The following GMEB2 variants were observed in gnomAD, a reference collection of about 807,000 sequenced individuals.
GMEB2 encodes glucocorticoid modulatory element-binding protein 2.
GMEB2 carries 7 observed loss-of-function variants against 45.7 expected under a neutral mutation model. That is an observed-to-expected ratio of 0.15 (90% CI 0.09 to 0.29). The LOEUF is 0.29. Among genes scored for constraint, GMEB2 ranks in the 10% least tolerant of loss-of-function variants. GMEB2 has a pLI of 1.00. For synonymous variants in GMEB2, 322 were observed against 323.6 expected, an observed-to-expected ratio of 1.00 and a Z score of 0.05; for missense variants, 582 against 739.2, an observed-to-expected ratio of 0.79 and a Z score of 2.47.
intron 2 of GMEB2, among the ~76,000 whole-genome samples, chr20:63,609,442 CCT>C (rs1279327611): frequency 4.6e-4 from 52 of 114,162 alleles, no homozygotes; most frequent in African/African-American, 1.3e-3. Flanking sequence ...GAAACATGCC[CCT>C]CTCACCCCAC....
intron 1 of GMEB2, among the ~76,000 whole-genome samples, chr20:63,624,014 G>A (rs1408051312): frequency 6.6e-6 from 1 of 151,914 alleles, no homozygotes; most frequent in Non-Finnish European, 1.5e-5. Context: ...GGAGGCTGAA[G>A]TGAGAGAACT....
At chr20:63,606,216 T>G (rs1398056706) in intron 2 of GMEB2, among the ~76,000 whole-genome samples, 1 of 151,880 alleles carries the variant, frequency 6.6e-6, no homozygotes, top group African/African-American at 2.4e-5. Context: ...AAAAAATAAG[T>G]TTTTTTTACT....
rs2089632780 is a variant in GMEB2, at chr20:63,619,694, G to C, written c.-57-240C>G. On this transcript the variant is annotated intron_variant, in intron 1 of 9. Coordinates refer to ENST00000370077, the MANE Select transcript of GMEB2 (RefSeq NM_012384.5). The surrounding 1 kb of genome is among the most constrained non-coding windows in gnomAD (Gnocchi z 4.6). ...CCGAAACCCTTGGGTAGAAAGCACAGAGCCACTCCCTCCACGTGGGGCTCA... is the reference window on the plus strand; with the variant it reads ...CCGAAACCCTTGGGTAGAAAGCACACAGCCACTCCCTCCACGTGGGGCTCA... The C allele has an allele frequency of 4.3e-6, 1 of 232,714 alleles. No homozygotes were observed. 14.4% of individuals were successfully genotyped at this position (232,714 alleles called of 1,614,324 possible).
At chr20:63,612,986 C>T (rs1351537657) in intron 2 of GMEB2, among the ~76,000 whole-genome samples, 1 of 151,696 alleles carries the variant, frequency 6.6e-6, no homozygotes, top group Non-Finnish European at 1.5e-5. Context: ...TTCGGAGACG[C>T]AGTCTCACTC....
chr20:63,620,130 C>T (rs1240450340), intron 1 of GMEB2, among the ~76,000 whole-genome samples: 2 of 152,216 alleles, frequency 1.3e-5, no homozygotes, highest in Non-Finnish European at 2.9e-5. Flanking sequence ...AACTCCTGAC[C>T]TCAGGTGATC....
intron 1 of GMEB2, among the ~76,000 whole-genome samples, chr20:63,623,346 C>G (rs905051439): frequency 9.2e-5 from 14 of 152,144 alleles, no homozygotes; most frequent in Admixed American, 7.9e-4. Flanking sequence ...TCTCTGAAGA[C>G]TGTCTTCAGA....
chr20:63,599,166 C>T (rs6089936), intron 4 of GMEB2, among the ~76,000 whole-genome samples: 3 of 150,260 alleles, frequency 2.0e-5, no homozygotes, highest in African/African-American at 5.0e-5. Context: ...GACCCTCCAG[C>T]GCTAACGCGG....
At chr20:63,594,946 A>T (rs1327335956) in intron 6 of GMEB2, among the ~76,000 whole-genome samples, 2 of 152,130 alleles carry the variant, frequency 1.3e-5, no homozygotes, top group Non-Finnish European at 2.9e-5. Flanking sequence ...ACAGGGTTTC[A>T]TCCTGTTGGC....
At chr20:63,623,926 A>T (rs1232000164) in intron 1 of GMEB2, among the ~76,000 whole-genome samples, 2 of 151,290 alleles carry the variant, frequency 1.3e-5, no homozygotes, top group African/African-American at 4.9e-5. Flanking sequence ...CCTGGCCAAC[A>T]TGGTAAAACC....
At position 63,589,301 on chromosome 20, in the gene GMEB2, T is replaced by C. The variant is rs62206973; in HGVS notation, c.*788A>G. 2 of 398,380 alleles carry C rather than the reference T, an allele frequency of 5.0e-6. No homozygotes were observed. Among genetic ancestry groups the C allele is most frequent in the East Asian group, 7.1e-5 (2 of 28,216 alleles). 24.7% of individuals were successfully genotyped at this position (398,380 alleles called of 1,614,324 possible). A position where few individuals can be genotyped will look rare whatever the true frequency, so the allele number is the denominator to read the frequency against. The stretch of plus-strand genomic sequence containing the variant: ...CTCAGGGGCCACCCAAAGAGCTAAC[T>C]CGGGAAGCCTAGGCACTCACCATTA... On this transcript the variant is annotated 3_prime_UTR_variant, in exon 10 of 10. Transcript: ENST00000370077.
chr20:63,623,612 A>T (rs1489102937), intron 1 of GMEB2, among the ~76,000 whole-genome samples: 1 of 149,410 alleles, frequency 6.7e-6, no homozygotes, highest in African/African-American at 2.5e-5. Flanking sequence ...AGCCTGATCA[A>T]TACGGTGAAA....
chr20:63,622,774 G>T (rs908527568), intron 1 of GMEB2, among the ~76,000 whole-genome samples: 4 of 152,224 alleles, frequency 2.6e-5, no homozygotes, highest in Non-Finnish European at 4.4e-5. Context: ...AGAAATGTAG[G>T]TGATCTGAAC....
chr20:63,622,690 C>T (rs1338988600), intron 1 of GMEB2, among the ~76,000 whole-genome samples: 3 of 152,146 alleles, frequency 2.0e-5, no homozygotes, highest in East Asian at 3.9e-4. Context: ...AAGAAAGCTA[C>T]GATTTCCTGG....
chr20:63,590,400 G>A lies in GMEB2; in HGVS notation c.1282C>T (p.Leu428Phe). 1 of 1,584,256 alleles carries A rather than the reference G, an allele frequency of 6.3e-7. No individual in the cohort carries two copies. The highest frequency in any genetic ancestry group is 8.6e-7 in the Non-Finnish European group (1 of 1,159,534). ...GAGGCCAAGACTGTGTATCCCCCGA[G>A]CAGCGGGGAGGCCGGGGAGCTGGCG... ...PPASSPASPL[L>F]GGYTVLASSG... The change falls in exon 10 of 10, where the codon CTC becomes TTC. Residue 428 changes from leucine to phenylalanine, a missense_variant. Leu to Phe is a conservative substitution (Grantham distance 22). Around this residue, in one of 3 missense-constraint regions of GMEB2, gnomAD observed 462 missense variants for 586.7 expected, o/e 0.79. Transcript: ENST00000370077.
Position 63,590,307 on chromosome 20 carries a change from T to C in GMEB2, c.1375A>G (p.Thr459Ala), listed in dbSNP as rs1180787790. Reference protein sequence around the residue: ...PDASSLTVLSTAAVQDGSTVF... With the variant: ...PDASSLTVLSAAAVQDGSTVF... Reference sequence around the variant, plus strand: ...GTGCTACCGTCCTGCACGGCGGCCGTGCTCAGGACCGTGAGGCTGGACGCG... The same window carrying C: ...GTGCTACCGTCCTGCACGGCGGCCGCGCTCAGGACCGTGAGGCTGGACGCG... Residue 459 changes from threonine (T) to alanine (A), a missense_variant, in exon 10 of 10, where the codon ACG becomes GCG. By Grantham distance (58) the Thr-to-Ala change is moderately conservative. Coordinates refer to ENST00000370077, the MANE Select transcript of GMEB2 (RefSeq NM_012384.5). 1.2e-6 allele frequency: 2 copies of C among 1,612,658 alleles called. No homozygotes were observed. The highest frequency in any genetic ancestry group is 1.7e-6 in the Non-Finnish European group (2 of 1,179,802).
chr20:63,590,835 G>C, intron 9 of GMEB2, 106 bp from the exon 10 acceptor site: 2 of 663,328 alleles, frequency 3.0e-6, no homozygotes, highest in East Asian at 6.3e-5. Flanking sequence ...CCCTGGGTCA[G>C]TGGCAACCCA....
chr20:63,611,159 T>C (rs935551304), intron 2 of GMEB2, among the ~76,000 whole-genome samples: 5 of 152,378 alleles, frequency 3.3e-5, no homozygotes, highest in African/African-American at 9.6e-5. Flanking sequence ...CAAGCACTGC[T>C]GTCCCCAGCC....
intron 4 of GMEB2, among the ~76,000 whole-genome samples, chr20:63,601,299 AC>A (rs1841122084): frequency 1.3e-5 from 2 of 152,086 alleles, no homozygotes; most frequent in South Asian, 4.2e-4. Context: ...TGCACTGTGG[AC>A]CACTCTTTCT....
rs1327750429 is a variant in GMEB2, at chr20:63,619,626, G to A, written c.-57-172C>T. The A allele has an allele frequency of 4.7e-6, 2 of 423,528 alleles. No individual in the cohort carries two copies. The highest frequency in any genetic ancestry group is 8.6e-6 in the Non-Finnish European group (2 of 233,072). The allele number at this position is 423,528 out of a possible 1,614,324, so 26.2% of individuals were successfully genotyped here. ...GGGCTACTCCAGGCTCTGGTTCCGA[G>A]GGCGGTGTAAGCGCACTCCACCCGT... On this transcript the variant is annotated intron_variant, in intron 1 of 9. Coordinates refer to ENST00000370077, the MANE Select transcript of GMEB2 (RefSeq NM_012384.5). This position sits in a 1 kb window ranked among gnomAD's most constrained non-coding sequence, Gnocchi z 4.6.
Sources: allele counts gnomAD v4.1 joint callset (sites outside exome capture counted in the v4.1 genomes callset), GRCh38; gene constraint gnomAD v4.1.1; regional missense constraint gnomAD v4.1.1; non-coding constraint Gnocchi (gnomAD v3.1); transcripts MANE v1.5; gene names NCBI Gene and HGNC (gene_info 2026-07-23, HGNC 2026-07-21).